LAMB4: variants seen among roughly 807,000 people sequenced by gnomAD.
LAMB4 encodes laminin subunit beta-4.
A neutral mutation model predicts 199.2 loss-of-function variants in LAMB4; 196 were observed. That is an observed-to-expected ratio of 0.98 (90% CI 0.88 to 1.11). The LOEUF is 1.11. LAMB4 is among the 50% of genes least tolerant of loss of function. LAMB4 has a pLI of 0.00. For missense variants in LAMB4, 2,080 were observed against 2,171.2 expected (o/e 0.96, Z 0.83); for synonymous variants, 744 against 770.6 (o/e 0.97, Z 0.57).
intron 26 of LAMB4, 132 bp downstream of exon 26, chr7:108,051,965 A>G (rs756751371): frequency 1.5e-5 from 9 of 601,966 alleles, no homozygotes; most frequent in Non-Finnish European, 2.5e-5. Flanking sequence ...TAATACCTTT[A>G]ATGGTTGTGT....
intron 25 of LAMB4, among the ~76,000 whole-genome samples, chr7:108,053,020 C>T (rs1399909175): frequency 6.6e-6 from 1 of 152,146 alleles, no homozygotes; most frequent in Non-Finnish European, 1.5e-5. Context: ...TTGTAACTCT[C>T]CCCTCTAATC....
intron 17 of LAMB4, among the ~76,000 whole-genome samples, chr7:108,074,632 G>T (rs1050259015): frequency 6.6e-6 from 1 of 152,160 alleles, no homozygotes; most frequent in Non-Finnish European, 1.5e-5. Context: ...GCCTCTTAAA[G>T]TGCTGGGATT....
intron 2 of LAMB4, among the ~76,000 whole-genome samples, chr7:108,116,504 T>C (rs1239797616): frequency 1.3e-5 from 2 of 152,228 alleles, no homozygotes; most frequent in African/African-American, 4.8e-5. Flanking sequence ...CTGCATTCTG[T>C]ATCCCTTTCT....
At chr7:108,110,275 T>C (rs1255880756) in intron 4 of LAMB4, among the ~76,000 whole-genome samples, 1 of 152,170 alleles carries the variant, frequency 6.6e-6, no homozygotes, top group Non-Finnish European at 1.5e-5. Flanking sequence ...GTGATCTGCC[T>C]ATCTTGGCCT....
intron 14 of LAMB4, among the ~76,000 whole-genome samples, chr7:108,085,318 C>A (rs981646833): frequency 3.3e-5 from 5 of 152,100 alleles, no homozygotes; most frequent in Admixed American, 6.5e-5. Flanking sequence ...AATATGAATA[C>A]AAATTTTGTA....
downstream of LAMB4, among the ~76,000 whole-genome samples, chr7:108,020,081 T>G (rs1341911385): frequency 6.6e-6 from 1 of 152,092 alleles, no homozygotes; most frequent in Non-Finnish European, 1.5e-5. Flanking sequence ...CCCTCACTTA[T>G]CCCCTACTCT....
chr7:108,073,666 C>T (rs1434503069), intron 17 of LAMB4, among the ~76,000 whole-genome samples: 1 of 152,200 alleles, frequency 6.6e-6, no homozygotes, highest in African/African-American at 2.4e-5. Context: ...GGCTGCGTCC[C>T]AAGCAGTCAA....
intron 1 of LAMB4, among the ~76,000 whole-genome samples, chr7:108,125,161 C>A (rs1001495892): frequency 6.6e-6 from 1 of 152,126 alleles, no homozygotes; most frequent in Non-Finnish European, 1.5e-5. Flanking sequence ...CTTGTGAAGA[C>A]CTATAGGAGA....
the LAMB4 span, among the ~76,000 whole-genome samples, chr7:108,016,233 G>A: frequency 6.6e-6 from 1 of 151,872 alleles, no homozygotes; most frequent in East Asian, 1.9e-4. Flanking sequence ...AGAAAATGAG[G>A]GGGTAGGACG....
chr7:108,064,258 A>G (rs1584665619), intron 21 of LAMB4, among the ~76,000 whole-genome samples: 1 of 152,328 alleles, frequency 6.6e-6, no homozygotes, highest in Admixed American at 6.5e-5. Flanking sequence ...CTGTGGGCAC[A>G]GGATTTCTAG....
intron 25 of LAMB4, among the ~76,000 whole-genome samples, chr7:108,054,744 G>C (rs2035926585): frequency 2.0e-5 from 3 of 152,270 alleles, no homozygotes; most frequent in Non-Finnish European, 2.9e-5. Context: ...GGGTGTGGCT[G>C]TGCTCCAAGG....
At chr7:108,096,939 C>CA (rs746917278) in intron 11 of LAMB4, among the ~76,000 whole-genome samples, 1,401 of 52,762 alleles carry the variant, frequency 0.027, 20 homozygotes, top group Non-Finnish European at 0.032. Flanking sequence ...CTGTCTCTCT[C>CA]AAAAAAAAAA....
At chr7:108,060,736 C>T (rs949055440) in intron 23 of LAMB4, among the ~76,000 whole-genome samples, 1 of 152,130 alleles carries the variant, frequency 6.6e-6, no homozygotes, top group Admixed American at 6.5e-5. Context: ...TATAAATATC[C>T]ATGAGTCCAT....
chr7:108,116,220 C>T, intron 2 of LAMB4, 59 bp from the exon 3 acceptor site: 8 of 1,476,642 alleles, frequency 5.4e-6, no homozygotes, highest in Non-Finnish European at 7.4e-6. Context: ...ACAGGGCCTG[C>T]AGAAATGACT....
chr7:108,128,926 C>A (rs894450773), intron 1 of LAMB4, among the ~76,000 whole-genome samples: 2 of 152,160 alleles, frequency 1.3e-5, no homozygotes, highest in African/African-American at 4.8e-5. Context: ...TATGTATAAA[C>A]GTATTTCCAA....
Position 108,068,099 on chromosome 7 carries a change from C to A in LAMB4, c.2363G>T (p.Cys788Phe). The part of the protein sequence containing the change: ...GSSCSRLGGQ[C>F]QCKPLVVGRC... ...CCCGACCACAAGAGGTTTACACTGG[C>A]ACTGGCCTCCAAGTCGGCTGCAGCT... is the stretch of plus-strand genomic sequence containing the variant. Residue 788 changes from cysteine (C) to phenylalanine (F), a missense_variant, in exon 19 of 34, where the codon TGC becomes TTC. Physicochemically the swap from Cys to Phe is radical, Grantham distance 205. Transcript: ENST00000388781. 1 of 1,614,180 alleles carries A rather than the reference C, an allele frequency of 6.2e-7. No individual in the cohort carries two copies. The highest frequency in any genetic ancestry group is 1.1e-5 in the South Asian group (1 of 91,086).
intron 17 of LAMB4, among the ~76,000 whole-genome samples, chr7:108,076,571 A>G (rs887292941): frequency 6.6e-6 from 1 of 152,186 alleles, no homozygotes; most frequent in African/African-American, 2.4e-5. Context: ...CACATTTCCT[A>G]TACCAACAGT....
intron 7 of LAMB4, 76 bp downstream of exon 7, chr7:108,106,433 G>C: frequency 1.2e-6 from 1 of 819,922 alleles, no homozygotes; most frequent in Non-Finnish European, 1.9e-6. Flanking sequence ...AAAAAAAAAA[G>C]AAAAGCAATT....
chr7:108,066,450 T>G lies in LAMB4; in HGVS notation c.2597A>C (p.Asn866Thr). ...GFPSCHPCPC[N>T]RFAELCDPET... ...AGGATCACAAAGTTCAGCAAACCTA[T>G]TACAAGGGCAAGGGTGGCAGCTGGG... is the stretch of plus-strand genomic sequence containing the variant. Residue 866 changes from asparagine to threonine, a missense_variant, in exon 20 of 34, where the codon AAT becomes ACT. Asn to Thr is a moderately conservative substitution (Grantham distance 65). Coordinates refer to ENST00000388781, the MANE Select transcript of LAMB4 (RefSeq NM_007356.3). The G allele has an allele frequency of 6.2e-7, 1 of 1,614,130 alleles. No individual in the cohort carries two copies. The highest frequency in any genetic ancestry group is 8.5e-7 in the Non-Finnish European group (1 of 1,180,014).
Sources: gnomAD v4.1 joint callset for allele counts (sites outside exome capture counted in the v4.1 genomes callset) on GRCh38, gnomAD v4.1.1 for gene constraint, MANE v1.5 for transcripts, NCBI Gene and HGNC (gene_info 2026-07-23, HGNC 2026-07-21) for gene names.